Variants in HPCAL1 observed in about 807,000 individuals in gnomAD.
The protein encoded by HPCAL1 is hippocalcin-like protein 1.
In HPCAL1, 8 loss-of-function variants were observed where a neutral mutation model predicts 17.1. The ratio of observed to expected loss-of-function variants is 0.47; its 90% CI spans 0.27 to 0.84. HPCAL1 has a LOEUF of 0.84. Ranked by LOEUF, HPCAL1 falls within the 40% of genes least tolerant of loss-of-function variation. The pLI, the probability that HPCAL1 is intolerant of heterozygous loss-of-function variation, is 0.13. For synonymous variants in HPCAL1, 112 were observed against 111.4 expected, an observed-to-expected ratio of 1.01 and a Z score of -0.03; for missense variants, 165 against 271.1, an observed-to-expected ratio of 0.61 and a Z score of 2.75.
Position 10,363,236 on chromosome 2 carries a change from C to T in HPCAL1, c.-110-33599C>T, listed in dbSNP as rs548853125. On this transcript the variant is annotated intron_variant, in intron 1 of 4. Coordinates refer to ENST00000307845, the MANE Select transcript of HPCAL1 (RefSeq NM_002149.4). This position sits in a 1 kb window ranked among gnomAD's most constrained non-coding sequence, Gnocchi z 4.7. ...TTATTTTTTGTAAATGCATTAGGGG[C>T]GGAGTGGTGGGAGAGTGATTCCCCT... is the stretch of plus-strand genomic sequence containing the variant. Among the ~76,000 whole-genome samples, 25 of 152,170 alleles carry T rather than the reference C, an allele frequency of 1.6e-4. No homozygotes were observed. The highest frequency in any genetic ancestry group is 1.5e-3 in the South Asian group (7 of 4,818).
At chr2:10,380,845 G>C (rs1235233734) in intron 1 of HPCAL1, among the ~76,000 whole-genome samples, 1 of 152,208 alleles carries the variant, frequency 6.6e-6, no homozygotes, top group Non-Finnish European at 1.5e-5. Context: ...TCACACTGCG[G>C]GTTCCTTGAA....
intron 2 of HPCAL1, among the ~76,000 whole-genome samples, chr2:10,413,455 A>G (rs1034239766): frequency 1.3e-5 from 2 of 152,196 alleles, no homozygotes; most frequent in Non-Finnish European, 2.9e-5. Context: ...ACAGACACCC[A>G]CCTTGTGCCA....
chr2:10,425,987 C>A, intron 4 of HPCAL1: 1 of 152,350 alleles, frequency 6.6e-6, no homozygotes, highest in Non-Finnish European at 1.5e-5. Flanking sequence ...ACAGTGTGAG[C>A]TCATTGACAG....
chr2:10,311,105 A>C (rs1291832296), intron 1 of HPCAL1, among the ~76,000 whole-genome samples: 4 of 152,176 alleles, frequency 2.6e-5, no homozygotes, highest in Admixed American at 6.5e-5. Flanking sequence ...GGTCCAGAAA[A>C]GCCCCCAGCT....
Position 10,419,853 on chromosome 2 carries a change from G to A in HPCAL1, c.96G>A (p.Lys32=), listed in dbSNP as rs772961399. The A allele has an allele frequency of 3.1e-6, 5 of 1,613,718 alleles. No homozygotes were observed. The highest frequency in any genetic ancestry group is 1.7e-5 in the Admixed American group (1 of 60,012). Residue 32 remains lysine, a synonymous_variant, in exon 3 of 5, where the codon AAG becomes AAA. Coordinates refer to ENST00000307845, the MANE Select transcript of HPCAL1 (RefSeq NM_002149.4). This position sits in a 1 kb window ranked among gnomAD's most constrained non-coding sequence, Gnocchi z 5.0. Reference sequence around the variant, plus strand: ...ACCACGAGCTGCAGGAGTGGTACAAGGGCTTCCTCAAGGACTGCCCCACCG... The same window carrying A: ...ACCACGAGCTGCAGGAGTGGTACAAAGGCTTCCTCAAGGACTGCCCCACCG... ...FTDHELQEWY[K]GFLKDCPTGH...
At chr2:10,409,777 C>CTTTCTTT (rs1558527080) in intron 2 of HPCAL1, among the ~76,000 whole-genome samples, 1 of 62,506 alleles carries the variant, frequency 1.6e-5, no homozygotes, top group African/African-American at 7.0e-5. Flanking sequence ...GAGCCTCAGT[C>CTTTCTTT]TTTTTTTTTT....
intron 1 of HPCAL1, among the ~76,000 whole-genome samples, chr2:10,371,416 C>A (rs1667196611): frequency 2.6e-5 from 1 of 38,654 alleles, no homozygotes; most frequent in African/African-American, 2.5e-4. Flanking sequence ...CAGGTGTAGG[C>A]CCAGGGGGTG....
intron 2 of HPCAL1, among the ~76,000 whole-genome samples, chr2:10,413,542 C>T (rs147029863): frequency 5.3e-5 from 8 of 152,300 alleles, no homozygotes; most frequent in South Asian, 2.1e-4. Flanking sequence ...GGCAGGAGGC[C>T]GCAGGCGCAC....
rs534393703 is a variant in HPCAL1, at chr2:10,385,782, G to A, written c.-110-11053G>A. Reference sequence around the variant, plus strand: ...ATGACTTATTCCTTCATCTGCAGCCGAGCCCCCACATGTTCTGTAGGCTCC... The same window carrying A: ...ATGACTTATTCCTTCATCTGCAGCCAAGCCCCCACATGTTCTGTAGGCTCC... On this transcript the variant is annotated intron_variant, in intron 1 of 4. Coordinates refer to ENST00000307845, the MANE Select transcript of HPCAL1 (RefSeq NM_002149.4). Among the ~76,000 whole-genome samples, 5 of 152,220 alleles carry A rather than the reference G, an allele frequency of 3.3e-5. No individual in the cohort carries two copies. The South Asian group carries it at 6.2e-4, about 19-fold the overall frequency.
At chr2:10,373,268 T>C (rs1004043663) in intron 1 of HPCAL1, among the ~76,000 whole-genome samples, 4 of 151,982 alleles carry the variant, frequency 2.6e-5, no homozygotes, top group Non-Finnish European at 5.9e-5. Flanking sequence ...GGTGGTAAGA[T>C]CCCTTGCTTG....
intron 2 of HPCAL1, among the ~76,000 whole-genome samples, chr2:10,399,634 G>T (rs1265587602): frequency 2.0e-5 from 3 of 147,642 alleles, no homozygotes; most frequent in Non-Finnish European, 4.5e-5. Flanking sequence ...GGATCAGAAG[G>T]CACTTTCCAG....
rs1479600753 is a variant in HPCAL1 at position 10,331,809 on chromosome 2, A to C, written c.-111+28632A>C. Among the ~76,000 whole-genome samples, 1 of 152,152 alleles carries C rather than the reference A, an allele frequency of 6.6e-6. No homozygotes were observed. Reference sequence around the variant, plus strand: ...CATTGGCCAATCCTGTGGTGGCCCCAGCTGGGCTTGCTGCCTGTGTGTGGT... The same window carrying C: ...CATTGGCCAATCCTGTGGTGGCCCCCGCTGGGCTTGCTGCCTGTGTGTGGT... On this transcript the variant is annotated intron_variant, in intron 1 of 4. Transcript: ENST00000307845. The surrounding 1 kb of genome is among the most constrained non-coding windows in gnomAD (Gnocchi z 5.0).
chr2:10,347,841 G>A (rs1665568808), intron 1 of HPCAL1, among the ~76,000 whole-genome samples: 1 of 152,132 alleles, frequency 6.6e-6, no homozygotes, highest in South Asian at 2.1e-4. Flanking sequence ...ATTCAGACAA[G>A]GTTGGGTTTA....
At chr2:10,399,543 A>ACCG (rs1558518819) in intron 2 of HPCAL1, among the ~76,000 whole-genome samples, 1 of 99,430 alleles carries the variant, frequency 1.0e-5, no homozygotes, top group Admixed American at 9.4e-5. Flanking sequence ...CACCGCCACC[A>ACCG]TCACCGCCAC....
chr2:10,399,249 A>G lies in HPCAL1; in HGVS notation c.-25+2329A>G, dbSNP rs1382074009. ...CACCACCACCACCACCATCACCACCACCACCACCACCATCACCACCACCAC... is the reference window on the plus strand; with the variant it reads ...CACCACCACCACCACCATCACCACCGCCACCACCACCATCACCACCACCAC... On this transcript the variant is annotated intron_variant, in intron 2 of 4. Coordinates refer to ENST00000307845, the MANE Select transcript of HPCAL1 (RefSeq NM_002149.4). Among the ~76,000 whole-genome samples the G allele has an allele frequency of 9.5e-4, 134 of 141,574 alleles. 2 individuals are homozygous for G. Among genetic ancestry groups the G allele is most frequent in the African/African-American group, 3.1e-3 (112 of 35,646 alleles). The allele number at this position is 141,574 out of a possible 152,430, so 92.9% of individuals were successfully genotyped here. A position where few individuals can be genotyped will look rare whatever the true frequency, so the allele number is the denominator to read the frequency against.
chr2:10,387,966 T>C (rs1049063751), intron 1 of HPCAL1, among the ~76,000 whole-genome samples: 123 of 152,276 alleles, frequency 8.1e-4, no homozygotes, highest in Non-Finnish European at 3.2e-4. Context: ...GTTCGGCAGG[T>C]GAATGGCCAT....
At chr2:10,399,552 ACCAC>A (rs1669441227) in intron 2 of HPCAL1, among the ~76,000 whole-genome samples, 1 of 103,364 alleles carries the variant, frequency 9.7e-6, no homozygotes, top group East Asian at 2.8e-4. Context: ...CATCACCGCC[ACCAC>A]TACCGCCACC....
intron 1 of HPCAL1, among the ~76,000 whole-genome samples, chr2:10,316,440 C>A (rs6709696): frequency 6.6e-6 from 1 of 152,078 alleles, no homozygotes; most frequent in Non-Finnish European, 1.5e-5. Flanking sequence ...GTGACTCAGG[C>A]GGTTGATGTT....
intron 3 of HPCAL1, 26 bp from the exon 4 acceptor site, chr2:10,422,957 C>T (rs752747935): frequency 1.9e-6 from 3 of 1,551,728 alleles, no homozygotes; most frequent in Non-Finnish European, 8.9e-7. Flanking sequence ...GGCCTCTGAG[C>T]ACAGTGTCAT....
Sources: allele counts gnomAD v4.1 joint callset (sites outside exome capture counted in the v4.1 genomes callset), GRCh38; gene constraint gnomAD v4.1.1; non-coding constraint Gnocchi (gnomAD v3.1); transcripts MANE v1.5; gene names NCBI Gene and HGNC (gene_info 2026-07-23, HGNC 2026-07-21).